THADA: variants seen among roughly 807,000 people sequenced by gnomAD.
THADA encodes the protein tRNA (32-2'-O)-methyltransferase regulator THADA.
In THADA, 213 loss-of-function variants were observed where a neutral mutation model predicts 219.8. The ratio of observed to expected loss-of-function variants is 0.97; its 90% confidence interval spans 0.87 to 1.09. THADA has a LOEUF of 1.09. Ranked by LOEUF, THADA falls within the 50% of genes least tolerant of loss-of-function variation. THADA has a pLI of 0.00. For missense variants in THADA, 2,956 were observed against 2,311.3 expected, an observed-to-expected ratio of 1.28 and a Z score of -5.72; for synonymous variants, 1,018 against 828.9, an observed-to-expected ratio of 1.23 and a Z score of -3.92.
chr2:43,593,065 G>C (rs979069195), intron 1 of THADA, among the ~76,000 whole-genome samples: 5 of 152,056 alleles, frequency 3.3e-5, no homozygotes, highest in Admixed American at 6.6e-5. Flanking sequence ...AATGTCATAG[G>C]GCTCTTCTCT....
At chr2:43,429,947 T>C (rs989082072) in intron 27 of THADA, among the ~76,000 whole-genome samples, 25 of 152,122 alleles carry the variant, frequency 1.6e-4, no homozygotes, top group African/African-American at 4.3e-4. Flanking sequence ...GGTGGGCAGA[T>C]TGCTTGAGCT....
At chr2:43,474,300 T>G (rs541307935) in intron 26 of THADA, among the ~76,000 whole-genome samples, 2 of 152,236 alleles carry the variant, frequency 1.3e-5, no homozygotes, top group Non-Finnish European at 2.9e-5. Flanking sequence ...GAAAGAGCTC[T>G]GTTCCAGGTA....
intron 35 of THADA, among the ~76,000 whole-genome samples, chr2:43,283,562 C>A (rs548110578): frequency 6.6e-6 from 1 of 152,306 alleles, no homozygotes; most frequent in Non-Finnish European, 1.5e-5. Flanking sequence ...TTATTGGGAA[C>A]TGAAGTAAGG....
intron 1 of THADA, among the ~76,000 whole-genome samples, chr2:43,595,415 T>G (rs981625403): frequency 6.6e-6 from 1 of 152,196 alleles, no homozygotes; most frequent in Non-Finnish European, 1.5e-5. Flanking sequence ...CAGAAGAGAC[T>G]GGGAAACCTA....
At chr2:43,513,231 A>T (rs979696829) in intron 22 of THADA, among the ~76,000 whole-genome samples, 2 of 152,230 alleles carry the variant, frequency 1.3e-5, no homozygotes, top group Non-Finnish European at 2.9e-5. Flanking sequence ...AAAAGTTTCA[A>T]TTGAAATGAT....
At chr2:43,496,165 C>G (rs1688255212) in intron 25 of THADA, among the ~76,000 whole-genome samples, 1 of 152,142 alleles carries the variant, frequency 6.6e-6, no homozygotes, top group Non-Finnish European at 1.5e-5. Context: ...GTATTAAGAT[C>G]TAGCTTCTTT....
chr2:43,378,144 G>A (rs1671597924), intron 29 of THADA, among the ~76,000 whole-genome samples: 1 of 152,138 alleles, frequency 6.6e-6, no homozygotes, highest in Non-Finnish European at 1.5e-5. Flanking sequence ...ATTACCATGA[G>A]AAAATAAGAG....
At chr2:43,528,125 GCTTT>G in intron 21 of THADA, 137 bp from the exon 22 acceptor site, 1 of 238,930 alleles carries the variant, frequency 4.2e-6, no homozygotes, top group South Asian at 6.7e-5. Context: ...CATGTTTTAA[GCTTT>G]TTTTTTTTTT....
In THADA at chr2:43,276,223, G is replaced by C. The variant is rs546593635; in HGVS notation, c.5296+3542C>G. ...CAGGCTCCATGATTGGTACAGAGTG[G>C]GGAGGGAGGGGCAGAGAGGGTCCTG... On this transcript the variant is annotated intron_variant, in intron 36 of 37. Transcript: ENST00000405975. Among the ~76,000 whole-genome samples the C allele has an allele frequency of 3.3e-5, 5 of 152,284 alleles. No individual in the cohort carries two copies. In the East Asian group the frequency reaches 9.6e-4, roughly 29 times the overall value.
chr2:43,235,097 G>A (rs1572707838), intron 36 of THADA, among the ~76,000 whole-genome samples: 2 of 149,744 alleles, frequency 1.3e-5, no homozygotes, highest in Admixed American at 1.3e-4. Flanking sequence ...CTCCTGCCTC[G>A]GCCTCCTGAG....
At chr2:43,498,085 C>A (rs947128523) in intron 25 of THADA, among the ~76,000 whole-genome samples, 6 of 152,062 alleles carry the variant, frequency 3.9e-5, no homozygotes, top group African/African-American at 1.2e-4. Flanking sequence ...CCACCCCACA[C>A]AGTATGGATC....
At chr2:43,560,965 T>C (rs1426556056) in intron 15 of THADA, among the ~76,000 whole-genome samples, 1 of 145,324 alleles carries the variant, frequency 6.9e-6, no homozygotes, top group Non-Finnish European at 1.5e-5. Context: ...TGCAGTGAGC[T>C]GAGCTCATGT....
At chr2:43,584,954 C>CA (rs1375926461) in intron 7 of THADA, among the ~76,000 whole-genome samples, 1 of 152,222 alleles carries the variant, frequency 6.6e-6, no homozygotes, top group Admixed American at 6.5e-5. Context: ...TAAATACATG[C>CA]ACAGTGCACG....
chr2:43,477,118 C>G (rs963657758), intron 26 of THADA, among the ~76,000 whole-genome samples: 1 of 152,172 alleles, frequency 6.6e-6, no homozygotes, highest in African/African-American at 2.4e-5. Flanking sequence ...ATATGTCTTT[C>G]TCACAGTAGA....
intron 36 of THADA, among the ~76,000 whole-genome samples, chr2:43,261,076 T>C (rs1670879698): frequency 6.6e-6 from 1 of 152,212 alleles, no homozygotes; most frequent in Non-Finnish European, 1.5e-5. Flanking sequence ...TGTTATTTTG[T>C]GGATAACTTT....
chr2:43,262,139 A>T (rs1003286299), intron 36 of THADA, among the ~76,000 whole-genome samples: 1 of 152,224 alleles, frequency 6.6e-6, no homozygotes, highest in Non-Finnish European at 1.5e-5. Context: ...TTCCTTAGCA[A>T]GCGAACTCTA....
intron 21 of THADA, among the ~76,000 whole-genome samples, chr2:43,539,577 G>A (rs1275782627): frequency 6.6e-6 from 1 of 152,152 alleles, no homozygotes; most frequent in African/African-American, 2.4e-5. Context: ...TCCAGTGTTA[G>A]AACACTGCTA....
chr2:43,404,378 T>TC (rs200327778), intron 28 of THADA, among the ~76,000 whole-genome samples: 7 of 149,110 alleles, frequency 4.7e-5, no homozygotes, highest in African/African-American at 1.7e-4. Flanking sequence ...TTCTTTTCTT[T>TC]TTTTTTTTTT....
chr2:43,572,118 C>T (rs1699365487), intron 12 of THADA, among the ~76,000 whole-genome samples: 1 of 152,162 alleles, frequency 6.6e-6, no homozygotes, highest in South Asian at 2.1e-4. Flanking sequence ...TGCTCAGCTT[C>T]ATTCCTTTTT....
Sources: allele counts gnomAD v4.1 joint callset (sites outside exome capture counted in the v4.1 genomes callset), GRCh38; gene constraint gnomAD v4.1.1; transcripts MANE v1.5; gene names NCBI Gene and HGNC (gene_info 2026-07-23, HGNC 2026-07-21).